The following COG5 variants were observed in gnomAD, a reference collection of about 807,000 sequenced individuals.
The protein encoded by COG5 is conserved oligomeric Golgi complex subunit 5.
In COG5, 86 loss-of-function variants were observed where a neutral mutation model predicts 110.4. That is an observed-to-expected ratio of 0.78 (90% CI 0.65 to 0.93). COG5 has a LOEUF of 0.93. COG5 is among the 40% of genes least tolerant of loss of function. The pLI, the probability that COG5 is intolerant of heterozygous loss-of-function variation, is 0.00. For synonymous variants in COG5, 360 were observed against 334.6 expected, an observed-to-expected ratio of 1.08 and a Z score of -0.83; for missense variants, 1,077 against 987.0, an observed-to-expected ratio of 1.09 and a Z score of -1.22.
chr7:107,410,492 G>T (rs1792199312), intron 7 of COG5, among the ~76,000 whole-genome samples: 1 of 152,114 alleles, frequency 6.6e-6, no homozygotes, highest in South Asian at 2.1e-4. Flanking sequence ...GCCCAGGCTG[G>T]AGTGTGATGG....
intron 6 of COG5, among the ~76,000 whole-genome samples, chr7:107,439,608 AAATAT>A (rs1231100708): frequency 6.6e-6 from 1 of 151,984 alleles, no homozygotes; most frequent in African/African-American, 2.4e-5. Context: ...TATATTTCTT[AAATAT>A]ATTTAACATA....
chr7:107,465,235 A>G (rs1430267529), intron 6 of COG5, among the ~76,000 whole-genome samples: 2 of 152,180 alleles, frequency 1.3e-5, no homozygotes, highest in East Asian at 3.8e-4. Context: ...AATTCACACA[A>G]AAAACTCCCA....
intron 21 of COG5, 42 bp downstream of exon 21, chr7:107,210,484 G>A: frequency 3.2e-6 from 5 of 1,565,042 alleles, no homozygotes; most frequent in Non-Finnish European, 4.3e-6. Context: ...CCCTCCTTGG[G>A]CTTCCAGACC....
chr7:107,267,617 G>A (rs1315163707), intron 14 of COG5, among the ~76,000 whole-genome samples: 1 of 152,112 alleles, frequency 6.6e-6, no homozygotes, highest in Non-Finnish European at 1.5e-5. Flanking sequence ...TTGATTTATA[G>A]TAATTTGATT....
intron 6 of COG5, among the ~76,000 whole-genome samples, chr7:107,479,719 G>A (rs915326618): frequency 6.6e-6 from 1 of 152,066 alleles, no homozygotes; most frequent in Non-Finnish European, 1.5e-5. Context: ...TATCTGGCAA[G>A]GCGGAAAACT....
At chr7:107,536,777 GGAACCAAAAAAGA>G (rs1801615788) in intron 5 of COG5, among the ~76,000 whole-genome samples, 1 of 152,056 alleles carries the variant, frequency 6.6e-6, no homozygotes, top group African/African-American at 2.4e-5. Flanking sequence ...AATTTCATAT[GGAACCAAAAAAGA>G]GCCCATATAG....
At chr7:107,464,766 T>C (rs1185808509) in intron 6 of COG5, among the ~76,000 whole-genome samples, 1 of 152,126 alleles carries the variant, frequency 6.6e-6, no homozygotes, top group African/African-American at 2.4e-5. Context: ...CAGCAAGCAG[T>C]ATGAGCATGA....
chr7:107,278,045 C>T lies in COG5; in HGVS notation c.1575+3255G>A, dbSNP rs146033959. On this transcript the variant is annotated intron_variant, in intron 14 of 21. Coordinates refer to ENST00000297135, the MANE Select transcript of COG5 (RefSeq NM_006348.5). ...AAATCTATAACTAAGTATACTAAAA[C>T]GTTTCAGTAGCCAAGAGACTTCTAT... is the stretch of plus-strand genomic sequence containing the variant. 1.2e-3 allele frequency among the ~76,000 whole-genome samples: 181 copies of T among 152,064 alleles called. 2 individuals are homozygous for T. The highest frequency in any genetic ancestry group is 4.1e-3 in the African/African-American group (171 of 41,506).
intron 19 of COG5, 131 bp downstream of exon 19, chr7:107,230,484 T>C (rs1800698189): frequency 1.3e-6 from 1 of 759,750 alleles, no homozygotes; most frequent in Non-Finnish European, 2.4e-6. Context: ...CTTTCTAAGA[T>C]GAATCATGAA....
At chr7:107,302,501 A>G (rs1807354094) in intron 11 of COG5, among the ~76,000 whole-genome samples, 1 of 152,214 alleles carries the variant, frequency 6.6e-6, no homozygotes, top group Non-Finnish European at 1.5e-5. Flanking sequence ...ATCAAATTGT[A>G]TACTTTCAAG....
intron 1 of COG5, among the ~76,000 whole-genome samples, chr7:107,559,958 T>C (rs1207716966): frequency 6.6e-6 from 1 of 152,230 alleles, no homozygotes; most frequent in Non-Finnish European, 1.5e-5. Context: ...TGTAAGACAT[T>C]TGAAATGTTT....
intron 5 of COG5, among the ~76,000 whole-genome samples, chr7:107,527,940 A>T (rs1800891251): frequency 6.6e-6 from 1 of 152,192 alleles, no homozygotes; most frequent in Non-Finnish European, 1.5e-5. Context: ...TAATATTCCC[A>T]GGTGGTACCA....
chr7:107,244,037 A>C (rs569927833), intron 17 of COG5, among the ~76,000 whole-genome samples: 2 of 152,284 alleles, frequency 1.3e-5, no homozygotes, highest in South Asian at 4.1e-4. Flanking sequence ...CCTTGAGGTT[A>C]GGAGTTGGAG....
At chr7:107,522,612 GAAGAA>G (rs1354306931) in intron 6 of COG5, among the ~76,000 whole-genome samples, 1 of 151,672 alleles carries the variant, frequency 6.6e-6, no homozygotes, top group African/African-American at 2.4e-5. Context: ...TTTAAGAAAA[GAAGAA>G]AAGAAAAAAA....
chr7:107,375,502 A>G (rs900986965), intron 7 of COG5, among the ~76,000 whole-genome samples: 1 of 152,066 alleles, frequency 6.6e-6, no homozygotes, highest in Non-Finnish European at 1.5e-5. Flanking sequence ...ATGCCCCACA[A>G]ATTTGCCAAA....
chr7:107,526,325 G>T (rs1445055979), intron 6 of COG5, among the ~76,000 whole-genome samples: 41 of 152,196 alleles, frequency 2.7e-4, no homozygotes, highest in Non-Finnish European at 5.9e-5. Flanking sequence ...AAAAGTGTTG[G>T]GCAGTTCTAT....
chr7:107,522,571 T>A (rs1305567966), intron 6 of COG5, among the ~76,000 whole-genome samples: 2 of 151,866 alleles, frequency 1.3e-5, no homozygotes, highest in African/African-American at 4.8e-5. Context: ...GTTCTGCACA[T>A]GTATCCCGGA....
chr7:107,400,975 G>T (rs1216719374), intron 7 of COG5, among the ~76,000 whole-genome samples: 1 of 152,016 alleles, frequency 6.6e-6, no homozygotes, highest in Non-Finnish European at 1.5e-5. Context: ...AAAGATGAAA[G>T]TATCTGCCAA....
chr7:107,216,981 C>T (rs1307922798), intron 19 of COG5, among the ~76,000 whole-genome samples: 1 of 151,572 alleles, frequency 6.6e-6, no homozygotes, highest in African/African-American at 2.4e-5. Flanking sequence ...AAACCCTTAA[C>T]TAGACTAAAA....
Sources: allele counts gnomAD v4.1 joint callset (sites outside exome capture counted in the v4.1 genomes callset), GRCh38; gene constraint gnomAD v4.1.1; transcripts MANE v1.5; gene names NCBI Gene and HGNC (gene_info 2026-07-23, HGNC 2026-07-21).